The following ZFHX3 variants were observed in gnomAD, a reference collection of about 807,000 sequenced individuals.
The protein encoded by ZFHX3 is zinc finger homeobox protein 3.
ZFHX3 carries 42 observed loss-of-function variants against 279.1 expected under a neutral mutation model. The observed-to-expected ratio is 0.15, with a 90% confidence interval of 0.12 to 0.19. The LOEUF (loss-of-function observed/expected upper bound fraction) is 0.19. ZFHX3 is among the 10% of genes least tolerant of loss of function. The pLI, the probability that ZFHX3 is intolerant of heterozygous loss-of-function variation, is 1.00. For missense variants in ZFHX3, 4,981 were observed against 4,754.0 expected (o/e 1.05, Z -1.40); for synonymous variants, 2,293 against 1,957.8 (o/e 1.17, Z -4.52).
chr16:73,564,323 G>A lies in ZFHX3; in HGVS notation c.-1546-108065C>T, dbSNP rs544100887. ...GCAGGCTTGCTGAGCCACAGCTTCCGCCGATTCCATGCTTTGACCCCACGC... is the reference window on the plus strand; with the variant it reads ...GCAGGCTTGCTGAGCCACAGCTTCCACCGATTCCATGCTTTGACCCCACGC... On this transcript the variant is annotated intron_variant, in intron 2 of 17. Transcript: ENST00000641206. Among the ~76,000 whole-genome samples the A allele has an allele frequency of 1.1e-3, 162 of 152,252 alleles. 1 individual carries two copies. Among genetic ancestry groups the A allele is most frequent in the African/African-American group, 3.6e-3 (149 of 41,540 alleles).
chr16:73,490,073 T>C (rs2019034161), intron 2 of ZFHX3, among the ~76,000 whole-genome samples: 1 of 152,260 alleles, frequency 6.6e-6, no homozygotes. Flanking sequence ...AAAATTCCAT[T>C]GCAGCTATTC....
intron 1 of ZFHX3, among the ~76,000 whole-genome samples, chr16:73,683,917 G>A (rs939660696): frequency 3.3e-5 from 5 of 152,134 alleles, no homozygotes; most frequent in African/African-American, 1.2e-4. Context: ...CTTGTTTGTG[G>A]GCCACATATA....
intron 3 of ZFHX3, among the ~76,000 whole-genome samples, chr16:72,936,690 A>G (rs185170420): frequency 3.7e-4 from 57 of 152,300 alleles, no homozygotes; most frequent in Admixed American, 2.0e-3. Flanking sequence ...AAATGAGGTC[A>G]GCATGGTGGG....
At chr16:73,132,377 G>T (rs924542063) in intron 6 of ZFHX3, among the ~76,000 whole-genome samples, 5 of 152,164 alleles carry the variant, frequency 3.3e-5, no homozygotes, top group African/African-American at 1.2e-4. Context: ...AAACTTTATG[G>T]TGTCAGAGAT....
chr16:73,337,534 C>T (rs1354219803), intron 3 of ZFHX3, among the ~76,000 whole-genome samples: 1 of 152,108 alleles, frequency 6.6e-6, no homozygotes, highest in African/African-American at 2.4e-5. Flanking sequence ...TCCTCCTCAT[C>T]GCAGCCATTG....
At chr16:73,238,742 T>C (rs1032794341) in intron 5 of ZFHX3, among the ~76,000 whole-genome samples, 4 of 152,108 alleles carry the variant, frequency 2.6e-5, no homozygotes, top group African/African-American at 9.7e-5. Context: ...CCTCGCCTGC[T>C]CTCTTCTAAC....
At chr16:73,413,243 C>T (rs1304224576) in intron 3 of ZFHX3, among the ~76,000 whole-genome samples, 1 of 152,146 alleles carries the variant, frequency 6.6e-6, no homozygotes, top group African/African-American at 2.4e-5. Flanking sequence ...CGTGGGATTC[C>T]CCAGGCATTC....
intron 8 of ZFHX3, chr16:73,092,732 T>C (rs1966101867): frequency 2.9e-6 from 1 of 343,340 alleles, no homozygotes; most frequent in Non-Finnish European, 5.7e-6. Context: ...AGCGCTTATA[T>C]GGGCTTCATG....
intron 2 of ZFHX3, among the ~76,000 whole-genome samples, chr16:73,496,582 A>G (rs912951894): frequency 6.6e-6 from 1 of 152,122 alleles, no homozygotes; most frequent in Non-Finnish European, 1.5e-5. Context: ...CATATACCAA[A>G]GTGGTGGGAA....
chr16:72,877,041 C>T (rs1352418829), intron 4 of ZFHX3, among the ~76,000 whole-genome samples: 1 of 152,164 alleles, frequency 6.6e-6, no homozygotes, highest in Non-Finnish European at 1.5e-5. Flanking sequence ...ATGCCCTGCC[C>T]CTGCACGCCA....
chr16:73,136,227 C>T (rs1381565823), intron 6 of ZFHX3, among the ~76,000 whole-genome samples: 1 of 152,048 alleles, frequency 6.6e-6, no homozygotes, highest in Non-Finnish European at 1.5e-5. Context: ...TTTTTCTTGT[C>T]CTTCTTTTAT....
chr16:73,737,411 C>G (rs1275933447), intron 1 of ZFHX3, among the ~76,000 whole-genome samples: 1 of 152,180 alleles, frequency 6.6e-6, no homozygotes, highest in Non-Finnish European at 1.5e-5. Flanking sequence ...TTAACCTGCT[C>G]TCCAAGCTGT....
At chr16:73,468,908 CT>C (rs2143597551) in intron 2 of ZFHX3, among the ~76,000 whole-genome samples, 1 of 152,290 alleles carries the variant, frequency 6.6e-6, no homozygotes, top group East Asian at 1.9e-4. Context: ...CAATGGTCTC[CT>C]TTCTGGATTG....
At chr16:73,273,818 A>T (rs2014220121) in intron 4 of ZFHX3, among the ~76,000 whole-genome samples, 1 of 152,134 alleles carries the variant, frequency 6.6e-6, no homozygotes, top group South Asian at 2.1e-4. Context: ...AAATTTCTAC[A>T]GGTGGAATGC....
intron 2 of ZFHX3, among the ~76,000 whole-genome samples, chr16:73,642,595 C>A (rs1001798936): frequency 3.9e-5 from 6 of 152,086 alleles, no homozygotes; most frequent in Non-Finnish European, 8.8e-5. Flanking sequence ...TATAAAAATG[C>A]AACACACACA....
chr16:73,097,018 C>A (rs959279328), intron 7 of ZFHX3, among the ~76,000 whole-genome samples: 26 of 151,740 alleles, frequency 1.7e-4, no homozygotes, highest in African/African-American at 6.3e-4. Context: ...CATCTCATCT[C>A]TTCTCTTCTC....
Position 73,070,710 on chromosome 16 carries a change from GTCTC to G in ZFHX3, c.-532-11702_-532-11699del, listed in dbSNP as rs3081669. Among the ~76,000 whole-genome samples the G allele has an allele frequency of 8.7e-3, 1,287 of 148,104 alleles. 6 individuals are homozygous for G. The highest frequency in any genetic ancestry group is 0.012 in the Admixed American group (175 of 14,896). On this transcript the variant is annotated intron_variant, in intron 8 of 17. Coordinates refer to the ZFHX3 transcript ENST00000641206. ...TCCAGAAGGAAATGCTGACATCATT[GTCTC>G]TCTCTCTCTCTCTCTCGCACATGTG...
intron 4 of ZFHX3, among the ~76,000 whole-genome samples, chr16:72,832,163 C>T (rs918846879): frequency 1.3e-5 from 2 of 152,132 alleles, no homozygotes; most frequent in Admixed American, 6.5e-5. Flanking sequence ...GGGCCATCTC[C>T]AAGCCAGCAC....
intron 1 of ZFHX3, among the ~76,000 whole-genome samples, chr16:72,994,265 A>G (rs1458251336): frequency 2.6e-5 from 4 of 152,206 alleles, no homozygotes; most frequent in Non-Finnish European, 5.9e-5. Flanking sequence ...AGACTTTAAC[A>G]TTGTAAATGA....
Sources: gnomAD v4.1 joint callset for allele counts (sites outside exome capture counted in the v4.1 genomes callset) on GRCh38, gnomAD v4.1.1 for gene constraint, MANE v1.5 for transcripts, NCBI Gene and HGNC (gene_info 2026-07-23, HGNC 2026-07-21) for gene names.